Variants in DIS3L2 observed in about 807,000 individuals in gnomAD.
DIS3L2 encodes the protein DIS3 like 3'-5' exoribonuclease 2.
DIS3L2 carries 34 observed loss-of-function variants against 97.5 expected under a neutral mutation model. That is an observed-to-expected ratio of 0.35 (90% CI 0.27 to 0.46). DIS3L2 has a LOEUF of 0.46. Among genes scored for constraint, DIS3L2 ranks in the 20% least tolerant of loss-of-function variants. The pLI, the probability that DIS3L2 is intolerant of heterozygous loss-of-function variation, is 1.00. For missense variants in DIS3L2, 1,038 were observed against 1,146.0 expected, an observed-to-expected ratio of 0.91 and a Z score of 1.36; for synonymous variants, 435 against 445.2, an observed-to-expected ratio of 0.98 and a Z score of 0.29.
In DIS3L2 at chr2:232,037,033, G is replaced by A. The variant is rs1694969798; in HGVS notation, c.366+6953G>A. Among the ~76,000 whole-genome samples the A allele has an allele frequency of 6.6e-6, 1 of 152,218 alleles. No homozygotes were observed. Among genetic ancestry groups the A allele is most frequent in the South Asian group, 2.1e-4 (1 of 4,826 alleles). ...CCACTTGAGGAGGCAATCTGAGGAG[G>A]CAATCTGTCCCTTAGCAGAGCTAGA... On this transcript the variant is annotated intron_variant, in intron 5 of 20. Transcript: ENST00000325385. This position sits in a 1 kb window ranked among gnomAD's most constrained non-coding sequence, Gnocchi z 4.6.
Position 232,087,644 on chromosome 2 carries a change from C to T in DIS3L2, c.524C>T (p.Ser175Leu), listed in dbSNP as rs1559615265. Reference protein sequence around the residue: ...IVEAQFDGSDSEDGHGITQNV... With the variant: ...IVEAQFDGSDLEDGHGITQNV... ...GAGGCTCAGTTTGATGGCAGCGACTCAGAAGATGGACATGGCATCACACAA... is the reference window on the plus strand; with the variant it reads ...GAGGCTCAGTTTGATGGCAGCGACTTAGAAGATGGACATGGCATCACACAA... Residue 175 changes from serine to leucine, a missense_variant, in exon 6 of 21, where the codon TCA becomes TTA. By Grantham distance (145) the Ser-to-Leu change is moderately radical. Coordinates refer to ENST00000325385, the MANE Select transcript of DIS3L2 (RefSeq NM_152383.5). The T allele has an allele frequency of 1.2e-6, 2 of 1,614,126 alleles. No homozygotes were observed. Among genetic ancestry groups the T allele is most frequent in the Non-Finnish European group, 1.7e-6 (2 of 1,180,038 alleles).
intron 13 of DIS3L2, 110 bp from the exon 14 acceptor site, chr2:232,299,930 A>T: frequency 2.7e-6 from 3 of 1,100,260 alleles, no homozygotes; most frequent in East Asian, 2.7e-5. Context: ...TCCACAACAC[A>T]TTGACTTGAG....
intron 13 of DIS3L2, among the ~76,000 whole-genome samples, chr2:232,271,685 TCTTAG>T (rs1360885741): frequency 6.6e-6 from 1 of 152,202 alleles, no homozygotes; most frequent in African/African-American, 2.4e-5. Context: ...ATGTGTGCCC[TCTTAG>T]CTGTTCAGCA....
At position 232,147,393 on chromosome 2, in the gene DIS3L2, T is replaced by C. The variant is rs539725317; in HGVS notation, c.950+10674T>C. 3.9e-5 allele frequency among the ~76,000 whole-genome samples: 6 copies of C among 152,330 alleles called. No individual in the cohort carries two copies. The South Asian group carries it at 1.2e-3, about 32-fold the overall frequency. ...CTAGTTTTTTTCTCTTAACCAATAT[T>C]GATACATTATTAATGGAGGTCCGTA... On this transcript the variant is annotated intron_variant, in intron 8 of 20. Coordinates refer to ENST00000325385, the MANE Select transcript of DIS3L2 (RefSeq NM_152383.5).
At chr2:231,984,477 C>T (rs570892793) in intron 1 of DIS3L2, among the ~76,000 whole-genome samples, 1 of 150,578 alleles carries the variant, frequency 6.6e-6, no homozygotes, top group East Asian at 2.0e-4. Flanking sequence ...AGCTCCGCCT[C>T]CCGGGTTCAC....
At chr2:232,110,225 A>G (rs1356962423) in intron 6 of DIS3L2, among the ~76,000 whole-genome samples, 1 of 152,222 alleles carries the variant, frequency 6.6e-6, no homozygotes, top group East Asian at 1.9e-4. Flanking sequence ...GAAAAAAGGA[A>G]CACTTTTACA....
At chr2:232,329,785 T>TGCCGGGGGGGGGCCCCCCC in intron 14 of DIS3L2, 28 bp from the exon 15 acceptor site, 3 of 967,138 alleles carry the variant, frequency 3.1e-6, no homozygotes, top group Non-Finnish European at 4.4e-6. Flanking sequence ...ACCCCAGCGG[T>TGCCGGGGGGGGGCCCCCCC]CCCTCCCATC....
intron 6 of DIS3L2, among the ~76,000 whole-genome samples, chr2:232,120,195 C>G (rs991120615): frequency 1.3e-5 from 2 of 152,152 alleles, no homozygotes; most frequent in African/African-American, 4.8e-5. Flanking sequence ...TTGACTCTTG[C>G]AGTATCTGTC....
intron 17 of DIS3L2, 115 bp from the exon 18 acceptor site, chr2:232,334,254 G>T: frequency 7.4e-7 from 1 of 1,354,574 alleles, no homozygotes; most frequent in Non-Finnish European, 1.0e-6. Flanking sequence ...TGGGAGCTGG[G>T]TGCTTGGGGT....
intron 1 of DIS3L2, among the ~76,000 whole-genome samples, chr2:231,996,360 C>T (rs1693731284): frequency 6.6e-6 from 1 of 152,080 alleles, no homozygotes; most frequent in Non-Finnish European, 1.5e-5. Context: ...GATTGTAGGA[C>T]CTATCTTGTA....
At chr2:232,161,817 G>A (rs914944029) in intron 8 of DIS3L2, among the ~76,000 whole-genome samples, 1 of 151,650 alleles carries the variant, frequency 6.6e-6, no homozygotes, top group Non-Finnish European at 1.5e-5. Context: ...TCTGTCACCA[G>A]GTTGGAGTGC....
intron 5 of DIS3L2, among the ~76,000 whole-genome samples, chr2:232,039,061 T>C (rs1287002697): frequency 6.6e-6 from 1 of 152,184 alleles, no homozygotes; most frequent in Non-Finnish European, 1.5e-5. Flanking sequence ...TTTGTTTCTG[T>C]GGAGCTCCCG....
At chr2:232,195,185 A>G (rs753262095) in intron 9 of DIS3L2, among the ~76,000 whole-genome samples, 2 of 152,198 alleles carry the variant, frequency 1.3e-5, no homozygotes, top group Non-Finnish European at 2.9e-5. Flanking sequence ...TTACAAAGTC[A>G]TACTCAATTT....
At chr2:232,183,268 TCAAA>T (rs1559711743) in intron 9 of DIS3L2, among the ~76,000 whole-genome samples, 2 of 152,224 alleles carry the variant, frequency 1.3e-5, no homozygotes, top group Non-Finnish European at 2.9e-5. Context: ...TTATAGCAAC[TCAAA>T]CAAACAGAGA....
intron 16 of DIS3L2, among the ~76,000 whole-genome samples, chr2:232,333,088 G>GCCTCCTCCTCTT (rs544203612): frequency 0.025 from 3,759 of 151,312 alleles, 83 homozygotes; most frequent in Middle Eastern, 0.044. Flanking sequence ...ACCGCAGGCG[G>GCCTCCTCCTCTT]CCTCCTCCTC....
chr2:232,295,558 A>G (rs1177216291), intron 13 of DIS3L2, among the ~76,000 whole-genome samples: 2 of 152,168 alleles, frequency 1.3e-5, no homozygotes, highest in South Asian at 2.1e-4. Context: ...TCCTGTCAGC[A>G]TTGAAACAAG....
intron 3 of DIS3L2, among the ~76,000 whole-genome samples, chr2:232,021,711 T>C (rs1694520155): frequency 6.6e-6 from 1 of 152,178 alleles, no homozygotes; most frequent in Non-Finnish European, 1.5e-5. Context: ...AAAGAGGTGC[T>C]AATGATATGA....
At chr2:232,091,632 C>G (rs1006053812) in intron 6 of DIS3L2, among the ~76,000 whole-genome samples, 3 of 152,124 alleles carry the variant, frequency 2.0e-5, no homozygotes, top group African/African-American at 7.2e-5. Context: ...GCAGATATCT[C>G]TTTGATACAC....
chr2:232,115,315 GAAAAACAA>G (rs1163941132), intron 6 of DIS3L2, among the ~76,000 whole-genome samples: 1 of 151,832 alleles, frequency 6.6e-6, no homozygotes, highest in Non-Finnish European at 1.5e-5. Flanking sequence ...AAAAAAAAAA[GAAAAACAA>G]ACCTAATTCT....
Sources: gnomAD v4.1 joint callset for allele counts (sites outside exome capture counted in the v4.1 genomes callset) on GRCh38, gnomAD v4.1.1 for gene constraint, Gnocchi (gnomAD v3.1) non-coding constraint, MANE v1.5 for transcripts, NCBI Gene and HGNC (gene_info 2026-07-23, HGNC 2026-07-21) for gene names.